Variants in RIC3 observed in about 807,000 individuals in gnomAD.
RIC3 encodes protein RIC-3.
Under a neutral mutation model 27.3 loss-of-function variants are expected in RIC3, and 28 were observed. That is an observed-to-expected ratio of 1.02 (90% CI 0.76 to 1.41). The LOEUF (loss-of-function observed/expected upper bound fraction) is 1.41, where lower values mean the gene tolerates loss of function less well. RIC3 is among the 40% of genes most tolerant of loss of function. RIC3 has a pLI of 0.00. For missense variants in RIC3, 501 were observed against 444.7 expected, an observed-to-expected ratio of 1.13 and a Z score of -1.14; for synonymous variants, 184 against 160.4, an observed-to-expected ratio of 1.15 and a Z score of -1.11.
At chr11:8,120,710 T>A (rs2884896) in intron 5 of RIC3, among the ~76,000 whole-genome samples, 3,064 of 146,200 alleles carry the variant, frequency 0.021, 92 homozygotes, top group African/African-American at 0.073. Flanking sequence ...AAATATAATT[T>A]AAAAAAAAAA....
At chr11:8,094,195 C>T in the RIC3 span, 1 of 1,608,282 alleles carries the variant, frequency 6.2e-7, no homozygotes. Flanking sequence ...CAAAGGTCAG[C>T]TCACATTCTC....
At chr11:8,113,433 C>T (rs1035096550) in intron 5 of RIC3, among the ~76,000 whole-genome samples, 14 of 152,128 alleles carry the variant, frequency 9.2e-5, no homozygotes, top group African/African-American at 3.1e-4. Context: ...ATACAGACTC[C>T]GGGCCCACCC....
rs201731945 is a variant in RIC3, at chr11:8,148,665, G to A, written c.125-8472C>T. ...AGATCTGTCAGCCAGGAAAATTTTA[G>A]GATCCTATTATGTTCAAGATTCTGC... On this transcript the variant is annotated intron_variant, in intron 1 of 5. Transcript: ENST00000309737. Among the ~76,000 whole-genome samples, 181 of 148,448 alleles carry A rather than the reference G, an allele frequency of 1.2e-3. 1 individual carries two copies. The highest frequency in any genetic ancestry group is 2.1e-3 in the Non-Finnish European group (143 of 67,594).
rs1945095447 is a variant in RIC3, at chr11:8,110,283, G to A, written c.*415C>T. 3.1e-6 allele frequency: 1 copy of A among 319,374 alleles called. No individual in the cohort carries two copies. The highest frequency in any genetic ancestry group is 6.1e-6 in the Non-Finnish European group (1 of 165,150). 19.8% of individuals were successfully genotyped at this position (319,374 alleles called of 1,614,324 possible). On this transcript the variant is annotated 3_prime_UTR_variant, in exon 6 of 6. Coordinates refer to ENST00000309737, the MANE Select transcript of RIC3 (RefSeq NM_001206671.4). ...AAGGCCCAAAGAATAAGGGATCTTGGAGTCTGAAATCTTCATTCTTGCAAC... is the reference window on the plus strand; with the variant it reads ...AAGGCCCAAAGAATAAGGGATCTTGAAGTCTGAAATCTTCATTCTTGCAAC...
chr11:8,135,334 T>C (rs1449166851), intron 4 of RIC3, among the ~76,000 whole-genome samples: 2 of 152,202 alleles, frequency 1.3e-5, no homozygotes, highest in Non-Finnish European at 2.9e-5. Context: ...TCTGTTCCAT[T>C]GGTCTATATC....
chr11:8,095,875 T>G, the RIC3 span, among the ~76,000 whole-genome samples: 26 of 152,362 alleles, frequency 1.7e-4, no homozygotes, highest in African/African-American at 6.3e-4. Flanking sequence ...GCAGATTTCC[T>G]TTTCCTTTTG....
intron 1 of RIC3, among the ~76,000 whole-genome samples, chr11:8,140,547 T>C (rs1388517915): frequency 6.6e-6 from 1 of 152,184 alleles, no homozygotes; most frequent in Non-Finnish European, 1.5e-5. Flanking sequence ...TTCAACTCCG[T>C]GATCATTTCT....
At chr11:8,095,548 C>T in the RIC3 span, 1 of 1,613,202 alleles carries the variant, frequency 6.2e-7, no homozygotes, top group Non-Finnish European at 8.5e-7. Context: ...GGCCCAAGGC[C>T]CAGTGCAGAT....
At chr11:8,097,811 A>G in the RIC3 span, 42 of 1,613,618 alleles carry the variant, frequency 2.6e-5, 3 homozygotes, top group South Asian at 3.8e-4. Context: ...GGGGACAGCT[A>G]TATCGGGAAA....
At chr11:8,095,866 C>A in the RIC3 span, among the ~76,000 whole-genome samples, 2 of 152,372 alleles carry the variant, frequency 1.3e-5, no homozygotes, top group East Asian at 3.9e-4. Context: ...GATTTGGGGG[C>A]AGATTTCCTT....
rs559913980 is a variant in RIC3 at position 8,134,794 on chromosome 11, C to G, written c.521+2584G>C. On this transcript the variant is annotated intron_variant, in intron 4 of 5. Coordinates refer to ENST00000309737, the MANE Select transcript of RIC3 (RefSeq NM_001206671.4). Reference sequence around the variant, plus strand: ...TGTCTTTTGGCTGCATAAATGTCTTCTTTTGAGAAGTGTCTGTTTATATCC... The same window carrying G: ...TGTCTTTTGGCTGCATAAATGTCTTGTTTTGAGAAGTGTCTGTTTATATCC... Among the ~76,000 whole-genome samples the G allele has an allele frequency of 7.6e-4, 115 of 152,258 alleles. 1 individual carries two copies. The highest frequency in any genetic ancestry group is 3.4e-3 in the Middle Eastern group (1 of 294).
In RIC3 at chr11:8,107,149, A is replaced by G. The variant is rs1162483323; in HGVS notation, c.*3549T>C. The G allele has an allele frequency of 1.3e-5, 2 of 152,256 alleles. No individual in the cohort carries two copies. Among genetic ancestry groups the G allele is most frequent in the Non-Finnish European group, 2.9e-5 (2 of 68,040 alleles). 9.4% of individuals were successfully genotyped at this position (152,256 alleles called of 1,614,324 possible). A position where few individuals can be genotyped will look rare whatever the true frequency, so the allele number is the denominator to read the frequency against. On this transcript the variant is annotated 3_prime_UTR_variant, in exon 6 of 6. Transcript: ENST00000309737. ...AAGGAAGCACATTTTAGAAAAGTCA[A>G]TGGTCAAGGCAAAGTCATAAATGTG...
rs1945073339 is a variant in RIC3, at chr11:8,110,059, C to G, written c.*639G>C. 6.3e-6 allele frequency: 1 copy of G among 159,200 alleles called. No individual in the cohort carries two copies. The highest frequency in any genetic ancestry group is 1.8e-4 in the East Asian group (1 of 5,470). The allele number at this position is 159,200 out of a possible 1,614,324, so 9.9% of individuals were successfully genotyped here. On this transcript the variant is annotated 3_prime_UTR_variant, in exon 6 of 6. Transcript: ENST00000309737. ...AGTAAAACAGTCCCCAAACAAGCCT[C>G]TGGGCTCATTCTCAGATCAGTGGGA...
Position 8,149,024 on chromosome 11 carries a change from C to CAAA in RIC3, c.125-8834_125-8832dup, listed in dbSNP as rs34536745. On this transcript the variant is annotated intron_variant, in intron 1 of 5. Transcript: ENST00000309737. ...TGACACCCTGTCTCTACTAAAAATA[C>CAAA]AAAAAAAAAAAAAAAAAAATTAGCC... Among the ~76,000 whole-genome samples the CAAA allele has an allele frequency of 3.1e-3, 296 of 96,146 alleles. 6 individuals are homozygous for CAAA. Among genetic ancestry groups the CAAA allele is most frequent in the African/African-American group, 7.5e-3 (215 of 28,570 alleles). 63.1% of individuals were successfully genotyped at this position (96,146 alleles called of 152,430 possible). A position where few individuals can be genotyped will look rare whatever the true frequency, so the allele number is the denominator to read the frequency against.
At chr11:8,130,044 G>A (rs971902294) in intron 4 of RIC3, among the ~76,000 whole-genome samples, 3 of 152,078 alleles carry the variant, frequency 2.0e-5, no homozygotes, top group African/African-American at 7.2e-5. Context: ...TTCCAGTTTG[G>A]CTGTAAATCT....
chr11:8,133,794 C>T (rs2133795437), intron 4 of RIC3, among the ~76,000 whole-genome samples: 1 of 151,998 alleles, frequency 6.6e-6, no homozygotes, highest in East Asian at 1.9e-4. Context: ...GTATTGCATC[C>T]CTGGCTTGGG....
intron 5 of RIC3, among the ~76,000 whole-genome samples, chr11:8,119,876 G>C (rs1302482732): frequency 1.3e-5 from 2 of 152,158 alleles, no homozygotes. Flanking sequence ...CGAAAAGTGG[G>C]CAAAGGATTA....
rs546953141 is a variant in RIC3, at chr11:8,108,589, C to G, written c.*2109G>C. ...GCCAAAGCTCAGACCAGTTAAGGAGCTGACCCAAGATTCCACAGCTAGAAA... is the reference window on the plus strand; with the variant it reads ...GCCAAAGCTCAGACCAGTTAAGGAGGTGACCCAAGATTCCACAGCTAGAAA... On this transcript the variant is annotated 3_prime_UTR_variant, in exon 6 of 6. Transcript: ENST00000309737. 2 of 152,306 alleles carry G rather than the reference C, an allele frequency of 1.3e-5. No individual in the cohort carries two copies. Among genetic ancestry groups the G allele is most frequent in the East Asian group, 3.9e-4 (2 of 5,180 alleles). 9.4% of individuals were successfully genotyped at this position (152,306 alleles called of 1,614,324 possible). A position where few individuals can be genotyped will look rare whatever the true frequency, so the allele number is the denominator to read the frequency against.
chr11:8,132,335 G>C (rs1286230136), intron 4 of RIC3, among the ~76,000 whole-genome samples: 1 of 152,152 alleles, frequency 6.6e-6, no homozygotes, highest in African/African-American at 2.4e-5. Flanking sequence ...TACTATAAGA[G>C]TTATTTTTCT....
Sources: allele counts gnomAD v4.1 joint callset (sites outside exome capture counted in the v4.1 genomes callset), GRCh38; gene constraint gnomAD v4.1.1; transcripts MANE v1.5; gene names NCBI Gene and HGNC (gene_info 2026-07-23, HGNC 2026-07-21).